ALDH1A2: variants seen among roughly 807,000 people sequenced by gnomAD.
ALDH1A2 encodes the protein aldehyde dehydrogenase 1 family member A2.
Under a neutral mutation model 60.3 loss-of-function variants are expected in ALDH1A2, and 27 were observed. The observed-to-expected ratio is 0.45, with a 90% CI of 0.33 to 0.62. The LOEUF (loss-of-function observed/expected upper bound fraction) is 0.62. Ranked by LOEUF, ALDH1A2 falls within the 20% of genes least tolerant of loss-of-function variation. The pLI is 0.02. For missense variants in ALDH1A2, 581 were observed against 643.8 expected, an observed-to-expected ratio of 0.90 and a Z score of 1.06; for synonymous variants, 289 against 232.4, an observed-to-expected ratio of 1.24 and a Z score of -2.21.
At chr15:58,035,489 CTCT>C (rs1252026420) in intron 1 of ALDH1A2, among the ~76,000 whole-genome samples, 7 of 151,540 alleles carry the variant, frequency 4.6e-5, no homozygotes, top group South Asian at 2.1e-4. Flanking sequence ...GTTTACATTA[CTCT>C]TCTTTTTCTA....
chr15:57,987,981 C>T lies in ALDH1A2; in HGVS notation c.798+4724G>A, dbSNP rs562968016. Reference sequence around the variant, plus strand: ...ACTAGTAGACCTACGCTACAAGAAACGTTAAAGATCGTTACAGATAAGGAA... The same window carrying T: ...ACTAGTAGACCTACGCTACAAGAAATGTTAAAGATCGTTACAGATAAGGAA... On this transcript the variant is annotated intron_variant, in intron 7 of 12. Transcript: ENST00000249750. Among the ~76,000 whole-genome samples the T allele has an allele frequency of 1.1e-4, 16 of 150,556 alleles. No individual in the cohort carries two copies. In the East Asian group the frequency reaches 2.7e-3, roughly 26 times the overall value.
chr15:57,972,766 A>C (rs1479558989), intron 7 of ALDH1A2, among the ~76,000 whole-genome samples: 1 of 152,236 alleles, frequency 6.6e-6, no homozygotes, highest in Non-Finnish European at 1.5e-5. Context: ...CAATATTTTC[A>C]TGACATTCAA....
intron 1 of ALDH1A2, among the ~76,000 whole-genome samples, chr15:58,032,982 G>A (rs546327754): frequency 1.1e-4 from 17 of 152,088 alleles, no homozygotes; most frequent in South Asian, 8.3e-4. Context: ...AACACATAGC[G>A]GTAATGTAAA....
chr15:58,065,224 C>T, intron 1 of ALDH1A2: 2 of 378,540 alleles, frequency 5.3e-6, no homozygotes, highest in South Asian at 4.5e-5. Context: ...CGCCTTCCCC[C>T]GCGGCAGTCG....
chr15:57,966,521 A>T (rs1893902186), intron 7 of ALDH1A2, among the ~76,000 whole-genome samples: 1 of 152,248 alleles, frequency 6.6e-6, no homozygotes, highest in South Asian at 2.1e-4. Flanking sequence ...TGCTCAAGGC[A>T]GAACTCTACC....
At chr15:58,008,513 A>G (rs554029371) in intron 4 of ALDH1A2, among the ~76,000 whole-genome samples, 10 of 152,250 alleles carry the variant, frequency 6.6e-5, no homozygotes, top group Admixed American at 6.5e-4. Context: ...ATGTCAATCA[A>G]TATTTAGCTT....
At chr15:57,973,030 T>C (rs1894122740) in intron 7 of ALDH1A2, among the ~76,000 whole-genome samples, 1 of 152,118 alleles carries the variant, frequency 6.6e-6, no homozygotes, top group African/African-American at 2.4e-5. Flanking sequence ...TTAGAATGAG[T>C]GATAATACAG....
At chr15:58,007,274 C>A (rs1347327854) in intron 4 of ALDH1A2, among the ~76,000 whole-genome samples, 4 of 151,896 alleles carry the variant, frequency 2.6e-5, no homozygotes, top group Non-Finnish European at 5.9e-5. Context: ...GTGTTCGTGA[C>A]AACTTTATAA....
In ALDH1A2 at chr15:57,992,948, C is replaced by T. The variant is rs1286330467; in HGVS notation, c.681G>A (p.Lys227=). The T allele has an allele frequency of 2.5e-6, 4 of 1,613,922 alleles. No individual in the cohort carries two copies. Among genetic ancestry groups the T allele is most frequent in the Non-Finnish European group, 3.4e-6 (4 of 1,179,954 alleles). ...TCCCGAAGTCCGTTTCTCTTACCTC[C>T]TTGATGAGGGCTCCCATGTAGAGTG... The part of the protein sequence containing the change: ...LSALYMGALI[K]EAGFPPGVIN... The change falls in exon 6 of 13, where the codon AAG becomes AAA. Residue 227 remains lysine (K), a synonymous_variant. Transcript: ENST00000249750.
intron 4 of ALDH1A2, among the ~76,000 whole-genome samples, chr15:58,005,970 T>A (rs1895438119): frequency 6.6e-6 from 1 of 151,488 alleles, no homozygotes; most frequent in African/African-American, 2.4e-5. Context: ...AACCCAAAAA[T>A]AAGTACAGAG....
At chr15:57,973,998 T>C (rs200429779) in intron 7 of ALDH1A2, among the ~76,000 whole-genome samples, 2 of 152,192 alleles carry the variant, frequency 1.3e-5, no homozygotes, top group East Asian at 3.8e-4. Context: ...AATATCTCAG[T>C]ATTGGAAGAT....
chr15:58,040,190 A>G (rs1350661904), intron 1 of ALDH1A2, among the ~76,000 whole-genome samples: 2 of 151,956 alleles, frequency 1.3e-5, no homozygotes, highest in African/African-American at 4.8e-5. Context: ...AGAAGCCAAC[A>G]GAACACCTCT....
At chr15:57,974,633 C>A (rs932032814) in intron 7 of ALDH1A2, among the ~76,000 whole-genome samples, 2 of 151,860 alleles carry the variant, frequency 1.3e-5, no homozygotes, top group African/African-American at 4.8e-5. Context: ...TGAAGTAGAT[C>A]ATAGGCCTAA....
At chr15:57,993,175 A>G (rs1341707064) in intron 5 of ALDH1A2, 102 bp from the exon 6 acceptor site, 1 of 1,405,930 alleles carries the variant, frequency 7.1e-7, no homozygotes, top group African/African-American at 1.4e-5. Flanking sequence ...TCCTCGACAT[A>G]AATCTTGTCC....
rs1212710532 is a variant in ALDH1A2, at chr15:57,962,326, T to C, written c.1087-150A>G. 7 of 969,428 alleles carry C rather than the reference T, an allele frequency of 7.2e-6. No individual in the cohort carries two copies. In the Admixed American group the frequency reaches 1.8e-4, roughly 24 times the overall value. The allele number at this position is 969,428 out of a possible 1,614,324, so 60.1% of individuals were successfully genotyped here. ...TAAAACTGCTGTTACTTACCAATTT[T>C]TGACCTACAAAAAACTGGCAATTTT... On this transcript the variant is annotated intron_variant, in intron 9 of 12. Transcript: ENST00000249750.
chr15:58,014,645 T>TG (rs1895738655), intron 1 of ALDH1A2: 1 of 419,446 alleles, frequency 2.4e-6, no homozygotes, highest in Non-Finnish European at 4.7e-6. Context: ...CAGATCAAAC[T>TG]TACAGTCATC....
At chr15:57,990,405 G>C (rs1227075616) in intron 7 of ALDH1A2, 2 of 152,062 alleles carry the variant, frequency 1.3e-5, no homozygotes, top group South Asian at 4.1e-4. Flanking sequence ...TGTTTAATAG[G>C]AAAAATTAGT....
intron 7 of ALDH1A2, among the ~76,000 whole-genome samples, chr15:57,967,038 G>T (rs577448599): frequency 6.6e-6 from 1 of 152,142 alleles, no homozygotes; most frequent in Non-Finnish European, 1.5e-5. Context: ...TTTTAAAAGC[G>T]GGGGAAGAGA....
chr15:57,985,480 T>A (rs1894666208), intron 7 of ALDH1A2, among the ~76,000 whole-genome samples: 2 of 152,324 alleles, frequency 1.3e-5, no homozygotes, highest in South Asian at 4.1e-4. Flanking sequence ...GAAACAGGTA[T>A]GTATGCTATT....
Sources: allele counts gnomAD v4.1 joint callset (sites outside exome capture counted in the v4.1 genomes callset), GRCh38; gene constraint gnomAD v4.1.1; transcripts MANE v1.5; gene names NCBI Gene and HGNC (gene_info 2026-07-23, HGNC 2026-07-21).